The following SYNE2 variants were observed in gnomAD, a reference collection of about 807,000 sequenced individuals.
SYNE2 encodes the protein nesprin-2.
SYNE2 carries 431 observed loss-of-function variants against 856.3 expected under a neutral mutation model. The observed-to-expected ratio is 0.50, with a 90% CI of 0.47 to 0.55. The LOEUF is 0.55. SYNE2 is among the 20% of genes least tolerant of loss of function. The pLI is 0.00. For missense variants in SYNE2, 8,129 were observed against 8,023.2 expected, an observed-to-expected ratio of 1.01 and a Z score of -0.50; for synonymous variants, 2,923 against 2,872.3, an observed-to-expected ratio of 1.02 and a Z score of -0.56.
At chr14:63,874,646 T>G (rs1027483449) in intron 1 of SYNE2, among the ~76,000 whole-genome samples, 2 of 152,194 alleles carry the variant, frequency 1.3e-5, no homozygotes, top group South Asian at 2.1e-4. Context: ...TTGAGCCTAT[T>G]TGCCATAACT....
chr14:64,089,065 TA>T (rs1331431262), intron 58 of SYNE2, among the ~76,000 whole-genome samples: 1 of 152,132 alleles, frequency 6.6e-6, no homozygotes, highest in Non-Finnish European at 1.5e-5. Context: ...CATTTTCTTA[TA>T]AAGTTTTGTT....
chr14:63,815,063 C>T (rs934342976), intron 1 of SYNE2, among the ~76,000 whole-genome samples: 2 of 112,560 alleles, frequency 1.8e-5, no homozygotes, highest in African/African-American at 6.6e-5. Flanking sequence ...TCCATATATA[C>T]ATCCACATAT....
rs919494770 is a variant in SYNE2 at position 63,877,025 on chromosome 14, A to T, written c.-52+23882A>T. ...CAGTTTTGATTGTTGGTCTCTAAGG[A>T]TGAAAGGATGAGGGATACATTAATT... On this transcript the variant is annotated intron_variant, in intron 1 of 115. Transcript: ENST00000555002. Among the ~76,000 whole-genome samples the T allele has an allele frequency of 6.6e-5, 10 of 152,314 alleles. 1 individual carries two copies. The highest frequency in any genetic ancestry group is 5.2e-4 in the Admixed American group (8 of 15,302).
chr14:64,029,794 A>T, intron 43 of SYNE2, 101 bp from the exon 44 acceptor site: 1 of 1,343,522 alleles, frequency 7.4e-7, no homozygotes, highest in South Asian at 1.3e-5. Context: ...CTGTTTCAAG[A>T]TGAAACTGGT....
At chr14:63,790,043 G>A (rs369038484) in intron 1 of SYNE2, among the ~76,000 whole-genome samples, 5 of 152,258 alleles carry the variant, frequency 3.3e-5, no homozygotes, top group Admixed American at 6.5e-5. Context: ...GGAAGTTTAA[G>A]TCAGTGGTAG....
chr14:64,075,645 C>T (rs1337049566), intron 53 of SYNE2: 2 of 322,490 alleles, frequency 6.2e-6, no homozygotes, highest in Non-Finnish European at 5.9e-6. Context: ...ATCAGGACTG[C>T]AATGGAGATA....
chr14:63,786,073 A>AACATGGCG (rs1887515128), intron 1 of SYNE2, among the ~76,000 whole-genome samples: 1 of 152,106 alleles, frequency 6.6e-6, no homozygotes, highest in Non-Finnish European at 1.5e-5. Context: ...CAACATGGTG[A>AACATGGCG]ATCCCGTCTC....
chr14:64,090,524 G>A (rs1000892959), intron 59 of SYNE2, among the ~76,000 whole-genome samples: 3 of 152,182 alleles, frequency 2.0e-5, no homozygotes, highest in East Asian at 1.9e-4. Flanking sequence ...TAGTTGCTAC[G>A]AAAGTGAGAG....
chr14:64,175,050 G>T lies in SYNE2; in HGVS notation c.17342G>T (p.Gly5781Val), dbSNP rs781695046. ...TTDLKTKESV[G>V]RRISQLQDSW... The stretch of plus-strand genomic sequence containing the variant: ...GACCTGAAAACTAAAGAGTCTGTGG[G>T]TAGGAGAATCAGTCAACTTCAGGAC... The change falls in exon 95 of 116, where the codon GGT becomes GTT. Residue 5781 changes from glycine to valine, a missense_variant. This residue lies in a region of SYNE2 where 5,410 missense variants were observed against 5,284.8 expected (regional missense o/e 1.02). Coordinates refer to ENST00000555002, the MANE Select transcript of SYNE2 (RefSeq NM_182914.3). 2 of 1,614,198 alleles carry T rather than the reference G, an allele frequency of 1.2e-6. No individual in the cohort carries two copies. The highest frequency in any genetic ancestry group is 1.7e-6 in the Non-Finnish European group (2 of 1,180,032).
At position 64,221,714 on chromosome 14, in the gene SYNE2, C is replaced by T. The variant is rs1385648944; in HGVS notation, c.20190+10C>T. 6.2e-7 allele frequency: 1 copy of T among 1,613,460 alleles called. No individual in the cohort carries two copies. The highest frequency in any genetic ancestry group is 8.5e-7 in the Non-Finnish European group (1 of 1,179,578). ...TCGGAGGGAACTAATGGTAAGTTTC[C>T]TCCCAAGGGCTCTGTACTGCCACCA... On this transcript the variant is annotated intron_variant, in intron 112 of 115. Transcript: ENST00000555002.
intron 11 of SYNE2, 68 bp from the exon 12 acceptor site, chr14:63,976,495 G>A: frequency 6.6e-7 from 1 of 1,510,262 alleles, no homozygotes; most frequent in Non-Finnish European, 9.1e-7. Context: ...CAAACATACT[G>A]TATGTGAAGA....
At chr14:64,141,662 A>T (rs925229913) in intron 81 of SYNE2, 139 bp downstream of exon 81, 55 of 972,384 alleles carry the variant, frequency 5.7e-5, no homozygotes, top group Non-Finnish European at 7.7e-5. Context: ...AGTCTTAATT[A>T]CTGGACCCTC....
intron 9 of SYNE2, among the ~76,000 whole-genome samples, chr14:63,963,658 A>C (rs2096351631): frequency 6.6e-6 from 1 of 152,168 alleles, no homozygotes; most frequent in Non-Finnish European, 1.5e-5. Flanking sequence ...TCCAAGCCAA[A>C]ATGGGGGAGG....
intron 1 of SYNE2, among the ~76,000 whole-genome samples, chr14:63,764,556 CT>C (rs34093002): frequency 0.074 from 9,013 of 121,060 alleles, 474 homozygotes; most frequent in East Asian, 0.28. Flanking sequence ...TCTTTTGACT[CT>C]TTTTTTTTTT....
intron 1 of SYNE2, among the ~76,000 whole-genome samples, chr14:63,866,656 A>T (rs963008105): frequency 6.6e-6 from 1 of 152,202 alleles, no homozygotes; most frequent in African/African-American, 2.4e-5. Context: ...TAAGTTCTGT[A>T]TTTGAAAATA....
At chr14:64,082,129 G>A (rs1321817294) in intron 57 of SYNE2, among the ~76,000 whole-genome samples, 1 of 152,044 alleles carries the variant, frequency 6.6e-6, no homozygotes, top group Non-Finnish European at 1.5e-5. Context: ...GATGGTTTTG[G>A]TTGTTAGAAT....
At chr14:63,814,608 G>T (rs1306967590) in intron 1 of SYNE2, among the ~76,000 whole-genome samples, 2 of 130,586 alleles carry the variant, frequency 1.5e-5, no homozygotes, top group Non-Finnish European at 3.1e-5. Context: ...TCCTTATATA[G>T]ATCCATATAT....
intron 74 of SYNE2, 124 bp from the exon 75 acceptor site, chr14:64,129,658 C>A (rs970225890): frequency 8.7e-6 from 12 of 1,374,798 alleles, no homozygotes; most frequent in Non-Finnish European, 1.1e-5. Context: ...GGTGAGGGAG[C>A]GGGAGCTGGG....
chr14:63,839,582 C>G (rs1889978304), intron 1 of SYNE2, among the ~76,000 whole-genome samples: 1 of 152,116 alleles, frequency 6.6e-6, no homozygotes, highest in Non-Finnish European at 1.5e-5. Context: ...GTAATCCCAG[C>G]TACTTGAGAG....
Sources: allele counts gnomAD v4.1 joint callset (sites outside exome capture counted in the v4.1 genomes callset), GRCh38; gene constraint gnomAD v4.1.1; regional missense constraint gnomAD v4.1.1; transcripts MANE v1.5; gene names NCBI Gene and HGNC (gene_info 2026-07-23, HGNC 2026-07-21).